The following NR3C2 variants were observed in gnomAD, a reference collection of about 807,000 sequenced individuals.
NR3C2 encodes the protein nuclear receptor subfamily 3 group C member 2, also known as mineralocorticoid receptor.
NR3C2 carries 15 observed loss-of-function variants against 86.4 expected under a neutral mutation model. The observed-to-expected ratio is 0.17, with a 90% confidence interval of 0.12 to 0.27. NR3C2 has a LOEUF of 0.27. Ranked by LOEUF, NR3C2 falls within the 10% of genes least tolerant of loss-of-function variation. NR3C2 has a pLI of 1.00. For synonymous variants in NR3C2, 458 were observed against 450.5 expected, an observed-to-expected ratio of 1.02 and a Z score of -0.21; for missense variants, 960 against 1,195.6, an observed-to-expected ratio of 0.80 and a Z score of 2.91.
chr4:148,406,108 G>A (rs973298133), intron 2 of NR3C2, among the ~76,000 whole-genome samples: 1 of 152,154 alleles, frequency 6.6e-6, no homozygotes, highest in South Asian at 2.1e-4. Flanking sequence ...TGAGGCTGTA[G>A]TGAGTTGTGG....
chr4:148,107,498 A>G (rs894742343), intron 8 of NR3C2, among the ~76,000 whole-genome samples: 7 of 152,376 alleles, frequency 4.6e-5, no homozygotes, highest in African/African-American at 1.7e-4. Context: ...ATTACTGGGT[A>G]TATACCCAAA....
At chr4:148,286,314 A>G (rs922567657) in intron 2 of NR3C2, among the ~76,000 whole-genome samples, 1 of 152,044 alleles carries the variant, frequency 6.6e-6, no homozygotes, top group African/African-American at 2.4e-5. Context: ...CTTTTGTAGG[A>G]CTTTATTTAA....
At chr4:148,267,538 G>T (rs1232564373) in intron 2 of NR3C2, among the ~76,000 whole-genome samples, 4 of 151,654 alleles carry the variant, frequency 2.6e-5, no homozygotes, top group Non-Finnish European at 5.9e-5. Context: ...CAGAAGAAAG[G>T]GTTTTTAAAA....
intron 8 of NR3C2, among the ~76,000 whole-genome samples, chr4:148,100,459 C>T (rs1465057956): frequency 6.6e-6 from 1 of 152,146 alleles, no homozygotes; most frequent in Non-Finnish European, 1.5e-5. Context: ...TGGCCATTAG[C>T]GCCTGGAAAG....
intron 2 of NR3C2, among the ~76,000 whole-genome samples, chr4:148,351,562 A>G (rs1344021229): frequency 1.3e-5 from 2 of 152,166 alleles, no homozygotes; most frequent in Non-Finnish European, 2.9e-5. Flanking sequence ...GGGATCCTGG[A>G]AAGAGCCCTC....
chr4:148,191,858 A>G (rs1439900676), intron 4 of NR3C2, among the ~76,000 whole-genome samples: 1 of 152,084 alleles, frequency 6.6e-6, no homozygotes, highest in Non-Finnish European at 1.5e-5. Flanking sequence ...TCTTTAAGCT[A>G]TCTATTTCCA....
chr4:148,330,792 G>C (rs1447377545), intron 2 of NR3C2, among the ~76,000 whole-genome samples: 1 of 152,134 alleles, frequency 6.6e-6, no homozygotes, highest in Non-Finnish European at 1.5e-5. Context: ...GATCATGGGG[G>C]CGGATCCCCT....
At chr4:148,092,357 TC>T (rs1731097168) in intron 8 of NR3C2, among the ~76,000 whole-genome samples, 1 of 152,140 alleles carries the variant, frequency 6.6e-6, no homozygotes, top group African/African-American at 2.4e-5. Context: ...ACGGTGCAGC[TC>T]CTTAAACAGC....
At chr4:148,112,072 A>AT (rs1445649481) in intron 8 of NR3C2, among the ~76,000 whole-genome samples, 4 of 152,172 alleles carry the variant, frequency 2.6e-5, no homozygotes, top group African/African-American at 9.7e-5. Context: ...ACAGCCGTTC[A>AT]AAAAACTATT....
intron 6 of NR3C2, among the ~76,000 whole-genome samples, chr4:148,136,647 C>A (rs886534071): frequency 6.6e-6 from 1 of 152,112 alleles, no homozygotes; most frequent in African/African-American, 2.4e-5. Context: ...CCAGAAGAGT[C>A]ACCTGCTTTT....
At chr4:148,423,601 C>G (rs1196148264) in intron 2 of NR3C2, among the ~76,000 whole-genome samples, 2 of 152,186 alleles carry the variant, frequency 1.3e-5, no homozygotes, top group East Asian at 3.8e-4. Context: ...GCTATCTTCC[C>G]CAACTAGATG....
At chr4:148,156,220 A>G (rs576904570) in intron 4 of NR3C2, among the ~76,000 whole-genome samples, 1 of 152,352 alleles carries the variant, frequency 6.6e-6, no homozygotes, top group Non-Finnish European at 1.5e-5. Context: ...TTCATGTCTA[A>G]AACACCAAAA....
chr4:148,325,246 AACT>A lies in NR3C2; in HGVS notation c.1758-65132_1758-65130del, dbSNP rs1488377602. Among the ~76,000 whole-genome samples the A allele has an allele frequency of 3.3e-5, 5 of 152,308 alleles. No homozygotes were observed. In the South Asian group the frequency reaches 1.0e-3, roughly 32 times the overall value. ...CAGTTCTGCTATCAAATAGCTTCAT[AACT>A]TTGAGCAAGACATCTTTGGCCTTGT... On this transcript the variant is annotated intron_variant, in intron 2 of 8. Transcript: ENST00000358102.
At chr4:148,426,403 A>G (rs1749532593) in intron 2 of NR3C2, among the ~76,000 whole-genome samples, 1 of 152,194 alleles carries the variant, frequency 6.6e-6, no homozygotes. Flanking sequence ...GCAGGATTCT[A>G]TTCCCAGCTG....
intron 3 of NR3C2, among the ~76,000 whole-genome samples, chr4:148,247,619 T>C (rs1739380209): frequency 1.3e-5 from 2 of 151,326 alleles, no homozygotes; most frequent in African/African-American, 2.4e-5. Context: ...TTGTGGAATC[T>C]AGTATCCGTG....
chr4:148,441,444 C>G (rs911805001), intron 1 of NR3C2, among the ~76,000 whole-genome samples: 1 of 152,202 alleles, frequency 6.6e-6, no homozygotes, highest in African/African-American at 2.4e-5. Context: ...GTTTCAAAAG[C>G]TCGTCTGCTA....
At chr4:148,323,709 A>G (rs558940499) in intron 2 of NR3C2, among the ~76,000 whole-genome samples, 11 of 152,216 alleles carry the variant, frequency 7.2e-5, no homozygotes, top group South Asian at 2.1e-4. Flanking sequence ...GTGCTTCCCA[A>G]GTGAGGCAAT....
chr4:148,111,133 A>C (rs540296721), intron 8 of NR3C2, among the ~76,000 whole-genome samples: 40 of 152,374 alleles, frequency 2.6e-4, no homozygotes, highest in Non-Finnish European at 4.4e-4. Context: ...AAAACTCAGC[A>C]GTCAGAAAAC....
chr4:148,383,123 C>A (rs1747084079), intron 2 of NR3C2, among the ~76,000 whole-genome samples: 1 of 152,080 alleles, frequency 6.6e-6, no homozygotes, highest in Non-Finnish European at 1.5e-5. Context: ...AACTTGATAT[C>A]TTAATTTGTG....
Sources: gnomAD v4.1 joint callset for allele counts (sites outside exome capture counted in the v4.1 genomes callset) on GRCh38, gnomAD v4.1.1 for gene constraint, MANE v1.5 for transcripts, NCBI Gene and HGNC (gene_info 2026-07-23, HGNC 2026-07-21) for gene names.